The following CFAP61 variants were observed in gnomAD, a reference collection of about 807,000 sequenced individuals.
CFAP61 encodes the protein cilia- and flagella-associated protein 61.
A neutral mutation model predicts 135.6 loss-of-function variants in CFAP61; 107 were observed. The ratio of observed to expected loss-of-function variants is 0.79; its 90% CI spans 0.67 to 0.93. The LOEUF (loss-of-function observed/expected upper bound fraction) is 0.93. Among genes scored for constraint, CFAP61 ranks in the 40% least tolerant of loss-of-function variants. CFAP61 has a pLI of 0.00. For synonymous variants in CFAP61, 575 were observed against 578.5 expected (o/e 0.99, Z 0.09); for missense variants, 1,507 against 1,556.2 (o/e 0.97, Z 0.53).
chr20:20,186,009 C>T (rs1260823742), intron 13 of CFAP61, among the ~76,000 whole-genome samples: 2 of 152,142 alleles, frequency 1.3e-5, no homozygotes, highest in Non-Finnish European at 2.9e-5. Context: ...ATTTTTGTAA[C>T]AGCTTTATTG....
At chr20:20,223,421 A>G (rs1415274362) in intron 17 of CFAP61, among the ~76,000 whole-genome samples, 4 of 152,190 alleles carry the variant, frequency 2.6e-5, no homozygotes, top group Non-Finnish European at 5.9e-5. Flanking sequence ...GTTGAATGTA[A>G]CCTCCAAAAG....
At chr20:20,269,631 C>T (rs538222505) in intron 21 of CFAP61, among the ~76,000 whole-genome samples, 2 of 152,146 alleles carry the variant, frequency 1.3e-5, no homozygotes, top group Non-Finnish European at 2.9e-5. Flanking sequence ...CTTCGCCTCC[C>T]GAAGTGCTGG....
chr20:20,097,269 G>C (rs1221283225), intron 7 of CFAP61, among the ~76,000 whole-genome samples: 2 of 152,064 alleles, frequency 1.3e-5, no homozygotes, highest in Non-Finnish European at 2.9e-5. Flanking sequence ...TGAATGCAAT[G>C]GTTATCTAAA....
At chr20:20,357,873 CTGAGGGGAGGTGGTCATAGTG>C in intron 26 of CFAP61, among the ~76,000 whole-genome samples, 2 of 87,784 alleles carry the variant, frequency 2.3e-5, no homozygotes, top group Non-Finnish European at 4.9e-5. Context: ...GGTGGTCACA[CTGAGGGGAGGTGGTCATAGTG>C]TGAGGGGAGG....
chr20:20,355,973 C>A (rs567566449), intron 26 of CFAP61, among the ~76,000 whole-genome samples: 1 of 31,440 alleles, frequency 3.2e-5, no homozygotes, highest in Non-Finnish European at 9.9e-5. Context: ...GAGGTGATCA[C>A]ACTGTGAGGG....
intron 14 of CFAP61, 93 bp from the exon 15 acceptor site, chr20:20,191,249 A>T (rs926915673): frequency 4.6e-5 from 45 of 971,562 alleles, no homozygotes; most frequent in Non-Finnish European, 6.8e-5. Context: ...TTCTGTTGTT[A>T]TGTGAACGTG....
chr20:20,282,932 C>A (rs2054306341), intron 22 of CFAP61, among the ~76,000 whole-genome samples: 2 of 96,342 alleles, frequency 2.1e-5, no homozygotes, highest in African/African-American at 8.8e-5. Context: ...GAGCAAGACC[C>A]TGTCTCAAAA....
At chr20:20,078,974 C>T (rs1462101766) in intron 6 of CFAP61, among the ~76,000 whole-genome samples, 1 of 151,990 alleles carries the variant, frequency 6.6e-6, no homozygotes, top group African/African-American at 2.4e-5. Flanking sequence ...AACTCAATGT[C>T]GATAAATCTA....
intron 25 of CFAP61, among the ~76,000 whole-genome samples, chr20:20,319,075 C>T (rs191659055): frequency 2.8e-4 from 42 of 152,298 alleles, no homozygotes; most frequent in South Asian, 8.3e-4. Flanking sequence ...TGTCCCAAGA[C>T]CCTGATTCTC....
At chr20:20,102,026 C>G (rs1355940909) in intron 8 of CFAP61, among the ~76,000 whole-genome samples, 4 of 152,150 alleles carry the variant, frequency 2.6e-5, no homozygotes, top group African/African-American at 9.7e-5. Flanking sequence ...TATGTGTGTG[C>G]TCCAAACAAC....
intron 18 of CFAP61, among the ~76,000 whole-genome samples, chr20:20,243,891 T>C (rs1454487020): frequency 6.6e-6 from 1 of 152,128 alleles, no homozygotes; most frequent in East Asian, 1.9e-4. Flanking sequence ...ATTGGGTAAA[T>C]ACAGCCATTC....
chr20:20,360,129 T>C (rs1476573767), intron 26 of CFAP61, 81 bp from the exon 27 acceptor site: 2 of 1,077,774 alleles, frequency 1.9e-6, no homozygotes, highest in Non-Finnish European at 2.8e-6. Context: ...ACTACTGTTG[T>C]TTTCATTCTC....
intron 8 of CFAP61, among the ~76,000 whole-genome samples, chr20:20,135,369 A>G (rs1027788731): frequency 1.3e-4 from 20 of 152,222 alleles, no homozygotes; most frequent in Admixed American, 6.5e-5. Flanking sequence ...AGCAACAGGA[A>G]ACTAACACAA....
At chr20:20,176,645 G>A (rs1300905771) in intron 13 of CFAP61, among the ~76,000 whole-genome samples, 1 of 152,138 alleles carries the variant, frequency 6.6e-6, no homozygotes, top group African/African-American at 2.4e-5. Flanking sequence ...TTATAAGTGG[G>A]AGCTGAATGA....
At chr20:20,245,753 A>G (rs1237270389) in intron 18 of CFAP61, among the ~76,000 whole-genome samples, 3 of 152,214 alleles carry the variant, frequency 2.0e-5, no homozygotes, top group Admixed American at 2.0e-4. Flanking sequence ...ATCAGGGTTA[A>G]GCTGCGATTG....
intron 8 of CFAP61, among the ~76,000 whole-genome samples, chr20:20,133,467 G>T (rs1232902650): frequency 6.6e-6 from 1 of 152,114 alleles, no homozygotes; most frequent in Non-Finnish European, 1.5e-5. Context: ...ACCTCAGAAG[G>T]TTTAGGCTTT....
rs112467055 is a variant in CFAP61 at position 20,359,693 on chromosome 20, A to AACAACAACC, written c.3514-513_3514-512insCAACCACAA. Among the ~76,000 whole-genome samples, 9 of 152,072 alleles carry AACAACAACC rather than the reference A, an allele frequency of 5.9e-5. No homozygotes were observed. Among genetic ancestry groups the AACAACAACC allele is most frequent in the South Asian group, 2.1e-4 (1 of 4,822 alleles). On this transcript the variant is annotated intron_variant, in intron 26 of 26. Transcript: ENST00000245957. The surrounding 1 kb of genome is among the most constrained non-coding windows in gnomAD (Gnocchi z 4.0). ...AAGCAAAAAACAAAACAACAACAAC[A>AACAACAACC]ACAAAACAAGTATGATCTACAGATG... is the stretch of plus-strand genomic sequence containing the variant.
intron 25 of CFAP61, among the ~76,000 whole-genome samples, chr20:20,317,612 C>T (rs183995518): frequency 4.2e-4 from 64 of 152,314 alleles, no homozygotes; most frequent in Admixed American, 4.1e-3. Context: ...ATGCCACCAA[C>T]GATGCCCCTG....
chr20:20,083,487 A>G (rs8119684), intron 6 of CFAP61, among the ~76,000 whole-genome samples: 7,109 of 152,242 alleles, frequency 0.047, 553 homozygotes, highest in African/African-American at 0.16. Context: ...TCCCAAAACT[A>G]TTGAAATTAA....
Sources: gnomAD v4.1 joint callset for allele counts (sites outside exome capture counted in the v4.1 genomes callset) on GRCh38, gnomAD v4.1.1 for gene constraint, Gnocchi (gnomAD v3.1) non-coding constraint, MANE v1.5 for transcripts, NCBI Gene and HGNC (gene_info 2026-07-23, HGNC 2026-07-21) for gene names.